The following ARHGAP24 variants were observed in gnomAD, a reference collection of about 807,000 sequenced individuals.
The protein encoded by ARHGAP24 is rho GTPase-activating protein 24.
ARHGAP24 carries 50 observed loss-of-function variants against 76.4 expected under a neutral mutation model. The observed-to-expected ratio is 0.65, with a 90% CI of 0.52 to 0.83. ARHGAP24 has a LOEUF of 0.83. ARHGAP24 is among the 40% of genes least tolerant of loss of function. The pLI, the probability that ARHGAP24 is intolerant of heterozygous loss-of-function variation, is 0.00. For missense variants in ARHGAP24, 930 were observed against 914.2 expected (o/e 1.02, Z -0.22); for synonymous variants, 345 against 323.3 (o/e 1.07, Z -0.72).
chr4:85,705,602 A>G (rs527494873), intron 2 of ARHGAP24, among the ~76,000 whole-genome samples: 1 of 152,348 alleles, frequency 6.6e-6, no homozygotes, highest in Admixed American at 6.5e-5. Flanking sequence ...TGTGCTTACC[A>G]CATGCAGGCA....
At chr4:85,818,022 G>A (rs951921274) in intron 3 of ARHGAP24, among the ~76,000 whole-genome samples, 2 of 152,174 alleles carry the variant, frequency 1.3e-5, no homozygotes, top group Admixed American at 6.5e-5. Context: ...ATTTAATTTA[G>A]AATAGAGCTT....
chr4:85,679,169 G>A (rs866887289), intron 2 of ARHGAP24, among the ~76,000 whole-genome samples: 6 of 152,284 alleles, frequency 3.9e-5, no homozygotes, highest in African/African-American at 9.6e-5. Context: ...TGGTCTTGTG[G>A]TGTAGATGAA....
chr4:85,779,842 C>A (rs1002868563), intron 3 of ARHGAP24, among the ~76,000 whole-genome samples: 3 of 152,072 alleles, frequency 2.0e-5, no homozygotes, highest in Non-Finnish European at 4.4e-5. Context: ...TTGCTGCTGG[C>A]CAATAAAACA....
intron 2 of ARHGAP24, among the ~76,000 whole-genome samples, chr4:85,652,914 A>G (rs2109982865): frequency 6.6e-6 from 1 of 152,198 alleles, no homozygotes; most frequent in East Asian, 1.9e-4. Flanking sequence ...TTTGTTTTAG[A>G]GTTGGGCATA....
At chr4:85,966,665 T>C (rs1366226365) in intron 5 of ARHGAP24, among the ~76,000 whole-genome samples, 1 of 152,284 alleles carries the variant, frequency 6.6e-6, no homozygotes, top group African/African-American at 2.4e-5. Context: ...AGCAGAGGAC[T>C]GCTTAAGCAA....
chr4:85,501,233 T>C (rs1224074476), intron 1 of ARHGAP24, among the ~76,000 whole-genome samples: 1 of 152,264 alleles, frequency 6.6e-6, no homozygotes, highest in Non-Finnish European at 1.5e-5. Context: ...CCTTTGGGTA[T>C]ACACCTGGTA....
intron 3 of ARHGAP24, among the ~76,000 whole-genome samples, chr4:85,748,153 T>C (rs984825596): frequency 6.6e-6 from 1 of 152,244 alleles, no homozygotes; most frequent in South Asian, 2.1e-4. Flanking sequence ...CTTCAAGTGC[T>C]TTTGGCTTTG....
At chr4:85,942,313 TTC>T in intron 5 of ARHGAP24, 40 bp downstream of exon 5, 1 of 1,606,412 alleles carries the variant, frequency 6.2e-7, no homozygotes, top group South Asian at 1.1e-5. Flanking sequence ...CACTGAGAAA[TTC>T]AGACTCAACT....
At chr4:85,551,799 A>G (rs1365177366) in intron 1 of ARHGAP24, among the ~76,000 whole-genome samples, 1 of 150,888 alleles carries the variant, frequency 6.6e-6, no homozygotes, top group East Asian at 2.0e-4. Flanking sequence ...TAGGTTTTTA[A>G]GTTTGTGTGC....
chr4:85,513,938 G>A (rs1217300821), intron 1 of ARHGAP24, among the ~76,000 whole-genome samples: 2 of 152,028 alleles, frequency 1.3e-5, no homozygotes, highest in African/African-American at 2.4e-5. Flanking sequence ...TCATGACAGG[G>A]GTCCTAATAT....
Position 85,564,403 on chromosome 4 carries a change from G to A in ARHGAP24, c.-20-6119G>A, listed in dbSNP as rs1290329130. On this transcript the variant is annotated intron_variant, in intron 1 of 9. Coordinates refer to ENST00000395184, the MANE Select transcript of ARHGAP24 (RefSeq NM_001025616.3). ...CACCGGGGCCTGTTGTGGGGTGGGG[G>A]GAGCGGGGGGGATAGCATTAGGAGA... Among the ~76,000 whole-genome samples, 14 of 144,730 alleles carry A rather than the reference G, an allele frequency of 9.7e-5. 1 individual carries two copies. In the South Asian group the frequency reaches 1.5e-3, roughly 15 times the overall value. The allele number at this position is 144,730 out of a possible 152,430, so 94.9% of individuals were successfully genotyped here.
intron 2 of ARHGAP24, among the ~76,000 whole-genome samples, chr4:85,614,752 C>A (rs1401107540): frequency 6.6e-6 from 1 of 151,896 alleles, no homozygotes; most frequent in Non-Finnish European, 1.5e-5. Context: ...ATTTTCAATG[C>A]CTTAAAATAC....
intron 3 of ARHGAP24, among the ~76,000 whole-genome samples, chr4:85,861,437 T>C (rs1222877003): frequency 1.3e-5 from 2 of 152,162 alleles, no homozygotes; most frequent in Non-Finnish European, 2.9e-5. Flanking sequence ...ATTGCTATGC[T>C]GGAACTTCTT....
intron 1 of ARHGAP24, among the ~76,000 whole-genome samples, chr4:85,559,104 C>G (rs886370287): frequency 6.6e-6 from 1 of 152,034 alleles, no homozygotes; most frequent in Non-Finnish European, 1.5e-5. Flanking sequence ...AGGAAAGGAC[C>G]CAGCTGACTT....
chr4:85,785,188 A>G (rs541626554), intron 3 of ARHGAP24, among the ~76,000 whole-genome samples: 3 of 152,252 alleles, frequency 2.0e-5, no homozygotes, highest in African/African-American at 7.2e-5. Context: ...AAAACCTTCT[A>G]TGTGCCAGCC....
At chr4:85,526,194 T>A (rs189306411) in intron 1 of ARHGAP24, among the ~76,000 whole-genome samples, 2 of 152,102 alleles carry the variant, frequency 1.3e-5, no homozygotes, top group African/African-American at 4.8e-5. Flanking sequence ...GTGGATGGCC[T>A]GAGCGAAGTG....
At chr4:85,637,232 G>A (rs745355605) in intron 2 of ARHGAP24, among the ~76,000 whole-genome samples, 103 of 152,018 alleles carry the variant, frequency 6.8e-4, no homozygotes, top group Non-Finnish European at 1.2e-3. Flanking sequence ...CCTGGGTAGC[G>A]TAGCTATAAC....
At chr4:85,479,491 A>G (rs1333611696) in intron 1 of ARHGAP24, among the ~76,000 whole-genome samples, 1 of 152,228 alleles carries the variant, frequency 6.6e-6, no homozygotes. Flanking sequence ...GATCCTGCTT[A>G]TTGAATGGGC....
chr4:85,953,565 G>C (rs545139874), intron 5 of ARHGAP24, among the ~76,000 whole-genome samples: 1 of 152,162 alleles, frequency 6.6e-6, no homozygotes, highest in East Asian at 1.9e-4. Flanking sequence ...CAGAAACCCA[G>C]ACCCCACTTG....
Sources: gnomAD v4.1 joint callset for allele counts (sites outside exome capture counted in the v4.1 genomes callset) on GRCh38, gnomAD v4.1.1 for gene constraint, MANE v1.5 for transcripts, NCBI Gene and HGNC (gene_info 2026-07-23, HGNC 2026-07-21) for gene names.